Variants in PNPT1 observed in about 807,000 individuals in gnomAD.
The protein encoded by PNPT1 is polyribonucleotide nucleotidyltransferase 1, mitochondrial.
A neutral mutation model predicts 119.5 loss-of-function variants in PNPT1; 53 were observed. The ratio of observed to expected loss-of-function variants is 0.44; its 90% CI spans 0.36 to 0.56. PNPT1 has a LOEUF of 0.56. Among genes scored for constraint, PNPT1 ranks in the 20% least tolerant of loss-of-function variants. PNPT1 has a pLI of 0.00. For synonymous variants in PNPT1, 357 were observed against 322.1 expected (o/e 1.11, Z -1.16); for missense variants, 948 against 938.5 (o/e 1.01, Z -0.13).
rs1471630653 is a variant in PNPT1, at chr2:55,667,069, T to C, written c.1098A>G (p.Ser366=). 3.7e-6 allele frequency: 6 copies of C among 1,612,216 alleles called. 1 individual carries two copies. In the Admixed American group the frequency reaches 1.0e-4, roughly 27 times the overall value. Residue 366 remains serine, a synonymous_variant, in exon 13 of 28, where the codon TCA becomes TCG. Transcript: ENST00000447944. ...YKRCDGRDLT[S]LRNVSCEVDM... is the part of the protein sequence containing the mutation. ...CTACCTCACAACTTACATTCCTAAG[T>C]GAAGTCAAATCCCGACCATCGCACC... is the stretch of plus-strand genomic sequence containing the variant.
intron 15 of PNPT1, among the ~76,000 whole-genome samples, chr2:55,657,753 G>A (rs1035221101): frequency 6.6e-6 from 1 of 151,162 alleles, no homozygotes; most frequent in South Asian, 2.1e-4. Flanking sequence ...AAATAGAGAG[G>A]GGGGAGGAAC....
Position 55,693,839 on chromosome 2 carries a change from G to A in PNPT1, c.-16C>T. 1.7e-5 allele frequency: 28 copies of A among 1,612,178 alleles called. No homozygotes were observed. Among genetic ancestry groups the A allele is most frequent in the Non-Finnish European group, 2.3e-5 (27 of 1,179,850 alleles). The stretch of plus-strand genomic sequence containing the variant: ...AGGCCGCCATGACACCCGGCACGCG[G>A]TCAACGCAGGCTGTGCCCTGATTGG... On this transcript the variant is annotated 5_prime_UTR_variant, in exon 1 of 28. Transcript: ENST00000447944.
chr2:55,662,880 ATT>A (rs35015796), intron 13 of PNPT1, among the ~76,000 whole-genome samples: 23,997 of 140,288 alleles, frequency 0.17, 2,015 homozygotes, highest in East Asian at 0.3. Flanking sequence ...CAGACAAAAG[ATT>A]TTTTTTTTTT....
At chr2:55,679,263 T>A (rs1178069249) in intron 8 of PNPT1, among the ~76,000 whole-genome samples, 1 of 152,150 alleles carries the variant, frequency 6.6e-6, no homozygotes, top group Non-Finnish European at 1.5e-5. Context: ...CAAGCAGACT[T>A]AGAATGAAAT....
At chr2:55,653,830 T>G (rs955890105) in intron 18 of PNPT1, among the ~76,000 whole-genome samples, 1 of 152,250 alleles carries the variant, frequency 6.6e-6, no homozygotes, top group Admixed American at 6.5e-5. Context: ...CTCTTTTCTA[T>G]CTTTCATGCC....
intron 11 of PNPT1, among the ~76,000 whole-genome samples, chr2:55,668,698 C>G (rs546408955): frequency 6.6e-6 from 1 of 152,278 alleles, no homozygotes; most frequent in East Asian, 1.9e-4. Flanking sequence ...CTCCTGGGTT[C>G]AAGCAATTCT....
chr2:55,691,872 A>ATTTTTTTTTTTTT (rs1559116734), intron 1 of PNPT1, among the ~76,000 whole-genome samples: 1 of 11,564 alleles, frequency 8.6e-5, no homozygotes, highest in African/African-American at 1.8e-4. Flanking sequence ...ATATATATAT[A>ATTTTTTTTTTTTT]TATATATTTT....
At chr2:55,680,648 G>A (rs1173512506) in intron 7 of PNPT1, 64 bp downstream of exon 7, 6 of 1,434,286 alleles carry the variant, frequency 4.2e-6, no homozygotes, top group Non-Finnish European at 5.8e-6. Context: ...CTGTAACATG[G>A]TCACTACTAC....
chr2:55,634,298 GT>G lies in PNPT1; in HGVS notation c.*1938del, dbSNP rs1417726962. 1 of 145,616 alleles carries G rather than the reference GT, an allele frequency of 6.9e-6. No individual in the cohort carries two copies. Among genetic ancestry groups the G allele is most frequent in the Non-Finnish European group, 1.5e-5 (1 of 67,122 alleles). 9.0% of individuals were successfully genotyped at this position (145,616 alleles called of 1,614,324 possible). A position where few individuals can be genotyped will look rare whatever the true frequency, so the allele number is the denominator to read the frequency against. The stretch of plus-strand genomic sequence containing the variant: ...TTTTCTGGAGACGGAGTCTTGCTCT[GT>G]CGCCCAGGCTGGAGTGCAATGGCGC... On this transcript the variant is annotated 3_prime_UTR_variant, in exon 28 of 28. Coordinates refer to ENST00000447944, the MANE Select transcript of PNPT1 (RefSeq NM_033109.5).
rs76693423 is a variant in PNPT1 at position 55,667,108 on chromosome 2, G to A, written c.1074-15C>T. The stretch of plus-strand genomic sequence containing the variant: ...GACCATCGCACCTATAGTGATATAG[G>A]AAATAAGTACATTAAGTAACGCTGG... On this transcript the variant is annotated splice_polypyrimidine_tract_variant and intron_variant, in intron 12 of 27. Coordinates refer to ENST00000447944, the MANE Select transcript of PNPT1 (RefSeq NM_033109.5). The A allele has an allele frequency of 0.041, 64,548 of 1,588,002 alleles. 1,557 individuals are homozygous for A. Among genetic ancestry groups the A allele is most frequent in the Middle Eastern group, 0.091 (543 of 5,988 alleles).
intron 3 of PNPT1, among the ~76,000 whole-genome samples, chr2:55,685,358 C>T (rs1166872500): frequency 6.6e-6 from 1 of 152,058 alleles, no homozygotes; most frequent in African/African-American, 2.4e-5. Context: ...GACCTTGTCT[C>T]TACCCCCAAC....
intron 8 of PNPT1, among the ~76,000 whole-genome samples, chr2:55,676,262 C>CAAAAAAAAAAAAAAAAAAAAAAA (rs11400030): frequency 2.4e-5 from 2 of 82,852 alleles, no homozygotes; most frequent in Non-Finnish European, 4.3e-5. Flanking sequence ...CCATCTCAAC[C>CAAAAAAAAAAAAAAAAAAAAAAA]AAAAAAAAAA....
chr2:55,638,093 G>A (rs905951721), intron 26 of PNPT1, among the ~76,000 whole-genome samples: 2 of 151,370 alleles, frequency 1.3e-5, no homozygotes, highest in Non-Finnish European at 2.9e-5. Flanking sequence ...CTTGAGCTCC[G>A]GAGTTCGAAA....
chr2:55,655,367 G>A (rs114170748), intron 17 of PNPT1, among the ~76,000 whole-genome samples: 1,966 of 152,158 alleles, frequency 0.013, 25 homozygotes, highest in Middle Eastern at 0.027. Context: ...TGATCCACCC[G>A]CCTTGGCCTC....
chr2:55,644,296 A>G (rs1695921894), intron 23 of PNPT1, among the ~76,000 whole-genome samples: 1 of 152,206 alleles, frequency 6.6e-6, no homozygotes, highest in South Asian at 2.1e-4. Context: ...AGTTAAAATA[A>G]AACTAAGTGA....
chr2:55,654,639 T>G (rs1696326688), intron 18 of PNPT1, among the ~76,000 whole-genome samples: 1 of 152,248 alleles, frequency 6.6e-6, no homozygotes, highest in Admixed American at 6.5e-5. Context: ...TGCCTCTGGC[T>G]TGATTTGGCC....
Position 55,680,764 on chromosome 2 carries a change from A to C in PNPT1, c.518-5T>G. The C allele has an allele frequency of 1.2e-6, 2 of 1,613,604 alleles. No individual in the cohort carries two copies. Among genetic ancestry groups the C allele is most frequent in the South Asian group, 1.1e-5 (1 of 90,918 alleles). On this transcript the variant is annotated splice_region_variant and splice_polypyrimidine_tract_variant and intron_variant, in intron 6 of 27. Coordinates refer to ENST00000447944, the MANE Select transcript of PNPT1 (RefSeq NM_033109.5). ...ATAATGAGAGGGCTACGGAAGCTTA[A>C]AAAAGGAGAAAAATCAGGGCCGAAA...
intron 8 of PNPT1, among the ~76,000 whole-genome samples, chr2:55,673,589 C>T (rs1696977947): frequency 6.6e-6 from 1 of 151,842 alleles, no homozygotes; most frequent in South Asian, 2.1e-4. Context: ...GCTGGGACTA[C>T]AGGCGCCCGC....
At chr2:55,665,224 A>G (rs928611115) in intron 13 of PNPT1, among the ~76,000 whole-genome samples, 4 of 152,218 alleles carry the variant, frequency 2.6e-5, no homozygotes, top group Non-Finnish European at 5.9e-5. Context: ...ATAATGTATA[A>G]TTGGCTCACT....
Sources: allele counts gnomAD v4.1 joint callset (sites outside exome capture counted in the v4.1 genomes callset), GRCh38; gene constraint gnomAD v4.1.1; transcripts MANE v1.5; gene names NCBI Gene and HGNC (gene_info 2026-07-23, HGNC 2026-07-21).